OR1F1: variants seen among roughly 807,000 people sequenced by gnomAD.
OR1F1 encodes the protein olfactory receptor family 1 subfamily F member 1.
For synonymous variants in OR1F1, 184 were observed against 156.7 expected (o/e 1.17, Z -1.30); for missense variants, 493 against 376.3 (o/e 1.31, Z -2.57).
chr16:3,191,787 G>A, the OR1F1 span, among the ~76,000 whole-genome samples: 1 of 152,090 alleles, frequency 6.6e-6, no homozygotes, highest in East Asian at 1.9e-4. Context: ...GGGGGCGGGT[G>A]AGAACTGAGG....
exon 1 of OR1F1, chr16:3,204,352 C>T (rs768970238): frequency 1.9e-5 from 30 of 1,614,124 alleles, no homozygotes; most frequent in South Asian, 4.4e-5. Flanking sequence ...CAGCATGTAC[C>T]TGGCCACTGT....
chr16:3,194,325 G>T, the OR1F1 span, among the ~76,000 whole-genome samples: 2 of 152,186 alleles, frequency 1.3e-5, no homozygotes, highest in Non-Finnish European at 2.9e-5. Context: ...AGCACCCCTT[G>T]TATACACACC....
Position 3,204,638 on chromosome 16 carries a change from A to G in OR1F1, c.392A>G (p.His131Arg), listed in dbSNP as rs141653288. 2.9e-4 allele frequency: 476 copies of G among 1,614,010 alleles called. 3 individuals are homozygous for G. In the African/African-American group the frequency reaches 5.7e-3, roughly 19 times the overall value. Residue 131 changes from histidine (H) to arginine (R), a missense_variant, in exon 1 of 1, where the codon CAT becomes CGT. Coordinates refer to ENST00000304646, the Ensembl canonical transcript of OR1F1. ...TTTGTCGCCGTGTGCCACCCCTTAC[A>G]TTACACAGCAAAGATGACCCATCAG... is the stretch of plus-strand genomic sequence containing the variant.
chr16:3,199,370 C>T (rs886912879), upstream of OR1F1, among the ~76,000 whole-genome samples: 4 of 151,840 alleles, frequency 2.6e-5, no homozygotes, highest in African/African-American at 7.3e-5. Context: ...TAGCTGGGCA[C>T]AGTGTCTCAT....
the OR1F1 span, among the ~76,000 whole-genome samples, chr16:3,197,332 A>T: frequency 6.6e-6 from 1 of 152,144 alleles, no homozygotes; most frequent in African/African-American, 2.4e-5. Flanking sequence ...AACTAATCTT[A>T]ATAATACATT....
the OR1F1 span, chr16:3,188,271 G>T: frequency 1.3e-5 from 2 of 151,940 alleles, no homozygotes; most frequent in Non-Finnish European, 1.5e-5. Flanking sequence ...ACCTCCCGGG[G>T]TCCCGGGACG....
the OR1F1 span, among the ~76,000 whole-genome samples, chr16:3,194,111 A>AG: frequency 6.6e-6 from 1 of 152,230 alleles, no homozygotes; most frequent in African/African-American, 2.4e-5. Flanking sequence ...TGAATTTGGA[A>AG]GAAAAACAGG....
the OR1F1 span, among the ~76,000 whole-genome samples, chr16:3,190,832 A>G: frequency 6.6e-6 from 1 of 152,154 alleles, no homozygotes; most frequent in Non-Finnish European, 1.5e-5. Flanking sequence ...ACAAAATTGC[A>G]AACATTTTGG....
chr16:3,204,577 G>C, exon 1 of OR1F1: 1 of 1,614,136 alleles, frequency 6.2e-7, no homozygotes, highest in Non-Finnish European at 8.5e-7. Flanking sequence ...CGTGGACATG[G>C]ACAATTTCCT....
chr16:3,202,100 C>T (rs899342612), upstream of OR1F1, among the ~76,000 whole-genome samples: 1 of 152,170 alleles, frequency 6.6e-6, no homozygotes, highest in African/African-American at 2.4e-5. Context: ...AGAACCCTTG[C>T]AGACTAGGCC....
At chr16:3,192,111 C>A in the OR1F1 span, among the ~76,000 whole-genome samples, 2 of 152,190 alleles carry the variant, frequency 1.3e-5, no homozygotes, top group African/African-American at 4.8e-5. Context: ...GGCTGGAGTG[C>A]AGTGGCGCTA....
chr16:3,204,114 G>T, upstream of OR1F1: 7 of 661,584 alleles, frequency 1.1e-5, no homozygotes, highest in Middle Eastern at 2.5e-4. Context: ...GCCCCAGCAG[G>T]GTTGACAATA....
chr16:3,204,477 C>G (rs749840047), exon 1 of OR1F1: 1 of 1,614,130 alleles, frequency 6.2e-7, no homozygotes, highest in African/African-American at 1.3e-5. Flanking sequence ...CCTTCACCAC[C>G]GTCCCCAAGA....
At chr16:3,189,499 C>G in the OR1F1 span, among the ~76,000 whole-genome samples, 4 of 152,200 alleles carry the variant, frequency 2.6e-5, no homozygotes, top group Non-Finnish European at 5.9e-5. Flanking sequence ...TCCGCCACAC[C>G]CATCCTCACT....
the OR1F1 span, among the ~76,000 whole-genome samples, chr16:3,195,089 C>T: frequency 1.3e-5 from 2 of 152,344 alleles, no homozygotes; most frequent in African/African-American, 4.8e-5. Flanking sequence ...GCCAGCCGTG[C>T]TCCGGGAAGC....
At chr16:3,200,696 G>C (rs150074140), upstream of OR1F1, among the ~76,000 whole-genome samples, 316 of 152,314 alleles carry the variant, frequency 2.1e-3, 1 homozygote, top group African/African-American at 7.1e-3. Flanking sequence ...CTCTACAGAA[G>C]GGAAAGTACC....
chr16:3,192,697 G>T, the OR1F1 span, among the ~76,000 whole-genome samples: 1 of 152,062 alleles, frequency 6.6e-6, no homozygotes, highest in East Asian at 1.9e-4. Context: ...CTCTCGCGCC[G>T]AGCCTGGAAA....
upstream of OR1F1, among the ~76,000 whole-genome samples, chr16:3,202,367 C>A (rs535217445): frequency 1.1e-4 from 17 of 152,232 alleles, 1 homozygote; most frequent in South Asian, 3.5e-3. Context: ...TGGCCTGAAA[C>A]ACAAAGGCTT....
chr16:3,201,974 T>G (rs760164126), upstream of OR1F1, among the ~76,000 whole-genome samples: 3 of 152,142 alleles, frequency 2.0e-5, no homozygotes, highest in African/African-American at 7.2e-5. Flanking sequence ...ACACTGCCTA[T>G]GGGGGAGCCC....
Sources: allele counts gnomAD v4.1 joint callset (sites outside exome capture counted in the v4.1 genomes callset), GRCh38; gene constraint gnomAD v4.1.1; transcripts MANE v1.5; gene names NCBI Gene and HGNC (gene_info 2026-07-23, HGNC 2026-07-21).